The following ACSBG2 variants were observed in gnomAD, a reference collection of about 807,000 sequenced individuals.
ACSBG2 encodes long-chain-fatty-acid--CoA ligase ACSBG2.
Under a neutral mutation model 74.7 loss-of-function variants are expected in ACSBG2, and 62 were observed. That is an observed-to-expected ratio of 0.83 (90% CI 0.68 to 1.03). The LOEUF (loss-of-function observed/expected upper bound fraction) is 1.03, where lower values mean the gene tolerates loss of function less well. ACSBG2 is among the 50% of genes least tolerant of loss of function. The pLI is 0.00. For synonymous variants in ACSBG2, 309 were observed against 294.1 expected (o/e 1.05, Z -0.52); for missense variants, 730 against 817.6 (o/e 0.89, Z 1.31).
chr19:6,144,539 T>G (rs1411712909), intron 2 of ACSBG2, among the ~76,000 whole-genome samples: 2 of 152,202 alleles, frequency 1.3e-5, no homozygotes, highest in African/African-American at 4.8e-5. Context: ...GAACCAGTGC[T>G]GCCTGCACCT....
At chr19:6,176,233 C>G in intron 7 of ACSBG2, 1 of 1,268,432 alleles carries the variant, frequency 7.9e-7, no homozygotes, top group South Asian at 3.0e-5. Context: ...CTGGGCTACC[C>G]AAGAGGCTGA....
chr19:6,162,499 G>A (rs2089658018), intron 6 of ACSBG2, among the ~76,000 whole-genome samples: 2 of 147,960 alleles, frequency 1.4e-5, no homozygotes, highest in Admixed American at 6.9e-5. Flanking sequence ...CCCAGGAGGC[G>A]GAGCTTGCAG....
intron 2 of ACSBG2, 36 bp downstream of exon 2, chr19:6,141,646 G>A: frequency 7.6e-7 from 1 of 1,315,140 alleles, no homozygotes; most frequent in Non-Finnish European, 1.1e-6. Context: ...GAGAGAGAGT[G>A]GCACATTGAT....
chr19:6,158,915 A>C (rs2089516547), intron 5 of ACSBG2, among the ~76,000 whole-genome samples: 2 of 151,890 alleles, frequency 1.3e-5, no homozygotes, highest in East Asian at 3.9e-4. Context: ...TAGAGCTTTT[A>C]AAAATTCTTT....
chr19:6,151,353 G>A (rs1425403653), intron 3 of ACSBG2, among the ~76,000 whole-genome samples: 2 of 152,108 alleles, frequency 1.3e-5, no homozygotes, highest in African/African-American at 4.8e-5. Flanking sequence ...TGTTGCCCAG[G>A]ATGGAGTGCA....
intron 4 of ACSBG2, among the ~76,000 whole-genome samples, chr19:6,153,902 A>C (rs931677514): frequency 6.6e-6 from 1 of 151,528 alleles, no homozygotes; most frequent in South Asian, 2.1e-4. Context: ...AAAAGAAAAG[A>C]AGGAAAAGAA....
chr19:6,145,821 C>T (rs1056619249), intron 2 of ACSBG2, among the ~76,000 whole-genome samples: 8 of 152,278 alleles, frequency 5.3e-5, no homozygotes, highest in African/African-American at 1.7e-4. Flanking sequence ...TCAACAACCC[C>T]CTCAACAACC....
intron 3 of ACSBG2, among the ~76,000 whole-genome samples, chr19:6,149,769 A>G (rs536711620): frequency 6.9e-6 from 1 of 144,362 alleles, no homozygotes; most frequent in South Asian, 2.1e-4. Flanking sequence ...TGGCCTCCCA[A>G]AGTGCTGGGA....
intron 5 of ACSBG2, among the ~76,000 whole-genome samples, chr19:6,157,966 A>C (rs1380316757): frequency 1.3e-5 from 2 of 149,136 alleles, no homozygotes; most frequent in African/African-American, 5.0e-5. Context: ...GAGTGCTTGT[A>C]TGTTTGCTTT....
At chr19:6,190,793 A>T in intron 14 of ACSBG2, 101 bp downstream of exon 14, 1 of 578,544 alleles carries the variant, frequency 1.7e-6, no homozygotes, top group Non-Finnish European at 3.1e-6. Flanking sequence ...TGCAGAAAAC[A>T]CACACATACA....
At chr19:6,161,149 T>C in intron 5 of ACSBG2, 66 bp from the exon 6 acceptor site, 1 of 1,335,254 alleles carries the variant, frequency 7.5e-7, no homozygotes, top group Non-Finnish European at 1.1e-6. Context: ...ACTTAGGACA[T>C]CTAACCCAGC....
intron 7 of ACSBG2, chr19:6,175,357 A>G (rs1362350385): frequency 1.3e-5 from 2 of 152,306 alleles, no homozygotes; most frequent in African/African-American, 4.8e-5. Flanking sequence ...AGCAGCAAAC[A>G]AGACAGACTC....
chr19:6,146,295 C>T lies in ACSBG2; in HGVS notation c.68-1151C>T, dbSNP rs539019222. Among the ~76,000 whole-genome samples the T allele has an allele frequency of 3.8e-4, 57 of 151,198 alleles. No homozygotes were observed. The South Asian group carries it at 0.011, about 30-fold the overall frequency. On this transcript the variant is annotated intron_variant, in intron 2 of 14. Transcript: ENST00000588485. ...GACCAGCCTGGGCTACATGGTGAAA[C>T]CCCATCTCTACTAAAAATACAAAAA...
Position 6,144,757 on chromosome 19 carries a change from C to A in ACSBG2, c.68-2689C>A, listed in dbSNP as rs575180674. Among the ~76,000 whole-genome samples the A allele has an allele frequency of 4.6e-5, 7 of 151,826 alleles. No individual in the cohort carries two copies. In the East Asian group the frequency reaches 1.4e-3, roughly 30 times the overall value. On this transcript the variant is annotated intron_variant, in intron 2 of 14. Coordinates refer to ENST00000588485, the MANE Select transcript of ACSBG2 (RefSeq NM_030924.5). ...TCACCCAGGCTGGAGTGCAGTGGCA[C>A]AATCTTGGCTCACTGCAACCTCTGC...
rs568492029 is a variant in ACSBG2 at position 6,166,019 on chromosome 19, C to A, written c.738+4C>A. 1 of 1,613,666 alleles carries A rather than the reference C, an allele frequency of 6.2e-7. No homozygotes were observed. The highest frequency in any genetic ancestry group is 8.5e-7 in the Non-Finnish European group (1 of 1,179,782). On this transcript the variant is annotated splice_donor_region_variant and intron_variant, in intron 7 of 14. Transcript: ENST00000588485. ...AGTGATGCTCAGTCATGACAACGTA[C>A]GCCAAAGTCCCTTTGCTCTGGAGTG...
chr19:6,164,251 C>T (rs1175052039), intron 6 of ACSBG2, among the ~76,000 whole-genome samples: 1 of 152,032 alleles, frequency 6.6e-6, no homozygotes, highest in Non-Finnish European at 1.5e-5. Flanking sequence ...TGTAGGGAGA[C>T]CTAGGGGCAT....
chr19:6,188,266 G>T (rs143848727), intron 13 of ACSBG2, among the ~76,000 whole-genome samples: 1 of 152,298 alleles, frequency 6.6e-6, no homozygotes, highest in East Asian at 1.9e-4. Flanking sequence ...GAGCAGCCTT[G>T]TTACAGGACC....
intron 5 of ACSBG2, among the ~76,000 whole-genome samples, chr19:6,158,321 T>C (rs1334345816): frequency 6.6e-6 from 1 of 152,170 alleles, no homozygotes; most frequent in Non-Finnish European, 1.5e-5. Flanking sequence ...TCTCCCAAAG[T>C]GCTGGGATTA....
At chr19:6,165,216 C>T (rs1220289014) in intron 6 of ACSBG2, among the ~76,000 whole-genome samples, 1 of 152,220 alleles carries the variant, frequency 6.6e-6, no homozygotes, top group East Asian at 1.9e-4. Flanking sequence ...CCGCTCCAGC[C>T]TTGCTTTCTC....
Sources: gnomAD v4.1 joint callset for allele counts (sites outside exome capture counted in the v4.1 genomes callset) on GRCh38, gnomAD v4.1.1 for gene constraint, MANE v1.5 for transcripts, NCBI Gene and HGNC (gene_info 2026-07-23, HGNC 2026-07-21) for gene names.